The following PRKCA variants were observed in gnomAD, a reference collection of about 807,000 sequenced individuals.
PRKCA encodes the protein protein kinase C alpha type.
A neutral mutation model predicts 87.0 loss-of-function variants in PRKCA; 27 were observed. That is an observed-to-expected ratio of 0.31 (90% CI 0.23 to 0.43). PRKCA has a LOEUF of 0.43. PRKCA is among the 20% of genes least tolerant of loss of function. The pLI, the probability that PRKCA is intolerant of heterozygous loss-of-function variation, is 1.00. For missense variants in PRKCA, 518 were observed against 852.3 expected, an observed-to-expected ratio of 0.61 and a Z score of 4.88; for synonymous variants, 329 against 311.1, an observed-to-expected ratio of 1.06 and a Z score of -0.61.
At chr17:66,794,833 A>G (rs1217741976) in intron 16 of PRKCA, among the ~76,000 whole-genome samples, 2 of 152,168 alleles carry the variant, frequency 1.3e-5, no homozygotes, top group Non-Finnish European at 2.9e-5. Flanking sequence ...CATGTTGGCC[A>G]GGCTGGTCTC....
intron 2 of PRKCA, among the ~76,000 whole-genome samples, chr17:66,464,782 T>G (rs538765711): frequency 2.2e-4 from 33 of 152,338 alleles, no homozygotes; most frequent in South Asian, 1.0e-3. Flanking sequence ...TCAGATTTAT[T>G]TTTTGCAATA....
At chr17:66,471,697 T>C (rs1342022356) in intron 2 of PRKCA, among the ~76,000 whole-genome samples, 1 of 151,764 alleles carries the variant, frequency 6.6e-6, no homozygotes, top group African/African-American at 2.4e-5. Flanking sequence ...TGAAAGTTAC[T>C]TTTTAAAAAT....
At chr17:66,779,488 C>G (rs1017723655) in intron 14 of PRKCA, among the ~76,000 whole-genome samples, 6 of 152,098 alleles carry the variant, frequency 3.9e-5, no homozygotes, top group Admixed American at 6.5e-5. Context: ...GCTTTGATTT[C>G]ACTCCTACTG....
At chr17:66,581,841 A>G (rs747406658) in intron 3 of PRKCA, among the ~76,000 whole-genome samples, 1 of 152,200 alleles carries the variant, frequency 6.6e-6, no homozygotes, top group Non-Finnish European at 1.5e-5. Context: ...TTCTTAGTAA[A>G]TATGGGCAAC....
intron 5 of PRKCA, among the ~76,000 whole-genome samples, chr17:66,667,318 A>G (rs958250250): frequency 2.0e-5 from 3 of 152,230 alleles, no homozygotes; most frequent in Non-Finnish European, 2.9e-5. Context: ...TTACACTGCT[A>G]ATAAAGACAT....
At chr17:66,605,925 T>TGG (rs140849265) in intron 3 of PRKCA, among the ~76,000 whole-genome samples, 3 of 152,060 alleles carry the variant, frequency 2.0e-5, no homozygotes, top group Non-Finnish European at 4.4e-5. Flanking sequence ...GGGCTGGGGA[T>TGG]GGGGAGCATT....
intron 3 of PRKCA, among the ~76,000 whole-genome samples, chr17:66,630,813 A>G (rs1433554884): frequency 6.6e-6 from 1 of 152,234 alleles, no homozygotes; most frequent in Non-Finnish European, 1.5e-5. Flanking sequence ...TCAAAGTTTG[A>G]AGTCCTAACC....
chr17:66,400,141 A>C (rs1332222079), intron 2 of PRKCA, among the ~76,000 whole-genome samples: 1 of 152,146 alleles, frequency 6.6e-6, no homozygotes, highest in East Asian at 1.9e-4. Context: ...AGTAGTGTTA[A>C]GTATATTCAC....
intron 8 of PRKCA, among the ~76,000 whole-genome samples, chr17:66,720,304 A>C (rs1260351663): frequency 3.3e-5 from 5 of 152,254 alleles, no homozygotes; most frequent in Non-Finnish European, 7.3e-5. Context: ...GTGTCCCAGC[A>C]GATGAAGTAT....
chr17:66,572,330 G>A (rs988730917), intron 3 of PRKCA, among the ~76,000 whole-genome samples: 3 of 152,090 alleles, frequency 2.0e-5, no homozygotes, highest in African/African-American at 7.2e-5. Context: ...AGCCAGGCGT[G>A]GTGGTGGGCA....
chr17:66,667,528 C>T (rs1348643874), intron 5 of PRKCA, among the ~76,000 whole-genome samples: 1 of 152,140 alleles, frequency 6.6e-6, no homozygotes, highest in African/African-American at 2.4e-5. Flanking sequence ...ACAAGAACAG[C>T]ATGGAGGTAA....
chr17:66,642,988 C>T (rs1971347750), intron 4 of PRKCA, among the ~76,000 whole-genome samples: 1 of 152,016 alleles, frequency 6.6e-6, no homozygotes, highest in South Asian at 2.1e-4. Context: ...TGCTGTGAGC[C>T]AAGATTGTGC....
chr17:66,742,907 A>C, intron 13 of PRKCA, 147 bp downstream of exon 13: 1 of 873,130 alleles, frequency 1.1e-6, no homozygotes, highest in Non-Finnish European at 1.7e-6. Context: ...ACAGACTAAA[A>C]TAGAGGAAAT....
chr17:66,764,886 A>G (rs1282719357), intron 13 of PRKCA, among the ~76,000 whole-genome samples: 1 of 152,192 alleles, frequency 6.6e-6, no homozygotes, highest in Non-Finnish European at 1.5e-5. Context: ...TAGGGGACAG[A>G]CAAGAGAGTC....
intron 5 of PRKCA, among the ~76,000 whole-genome samples, chr17:66,678,520 G>A (rs1972396262): frequency 1.3e-5 from 2 of 152,240 alleles, no homozygotes; most frequent in Non-Finnish European, 2.9e-5. Flanking sequence ...AACTGGGGCA[G>A]TGTGAGCTTT....
intron 3 of PRKCA, among the ~76,000 whole-genome samples, chr17:66,528,640 T>A (rs1453770372): frequency 6.6e-6 from 1 of 152,176 alleles, no homozygotes; most frequent in South Asian, 2.1e-4. Flanking sequence ...AGCACCTCCA[T>A]TGTAGCCTTA....
chr17:66,543,771 A>G (rs1384306061), intron 3 of PRKCA, among the ~76,000 whole-genome samples: 1 of 152,218 alleles, frequency 6.6e-6, no homozygotes, highest in Non-Finnish European at 1.5e-5. Context: ...TACACCATAG[A>G]AAAGGCTACA....
In PRKCA at chr17:66,804,712, G is replaced by A. The variant is rs1487826028; in HGVS notation, c.*675G>A. 1 of 152,792 alleles carries A rather than the reference G, an allele frequency of 6.5e-6. No homozygotes were observed. The highest frequency in any genetic ancestry group is 1.5e-5 in the Non-Finnish European group (1 of 68,182). The allele number at this position is 152,792 out of a possible 1,614,324, so 9.5% of individuals were successfully genotyped here. A position where few individuals can be genotyped will look rare whatever the true frequency, so the allele number is the denominator to read the frequency against. ...CTGTCATCTGGTACCCTCCTTGGTTGATAACTGTCTTGATACTTTTCATTC... is the reference window on the plus strand; with the variant it reads ...CTGTCATCTGGTACCCTCCTTGGTTAATAACTGTCTTGATACTTTTCATTC... On this transcript the variant is annotated 3_prime_UTR_variant, in exon 17 of 17. Coordinates refer to ENST00000413366, the MANE Select transcript of PRKCA (RefSeq NM_002737.3).
intron 8 of PRKCA, among the ~76,000 whole-genome samples, chr17:66,702,590 T>C (rs1299738696): frequency 6.6e-6 from 1 of 152,168 alleles, no homozygotes; most frequent in Non-Finnish European, 1.5e-5. Context: ...ACACACACAA[T>C]GGTAACTGTA....
Sources: gnomAD v4.1 joint callset for allele counts (sites outside exome capture counted in the v4.1 genomes callset) on GRCh38, gnomAD v4.1.1 for gene constraint, MANE v1.5 for transcripts, NCBI Gene and HGNC (gene_info 2026-07-23, HGNC 2026-07-21) for gene names.